Variants in ADGRG2 observed in about 807,000 individuals in gnomAD.
ADGRG2 encodes the protein G protein-coupled receptor 64.
In ADGRG2, 26 loss-of-function variants were observed where a neutral mutation model predicts 74.1. The ratio of observed to expected loss-of-function variants is 0.35; its 90% CI spans 0.26 to 0.49. ADGRG2 has a LOEUF of 0.49. Ranked by LOEUF, ADGRG2 falls within the 20% of genes least tolerant of loss-of-function variation. The pLI is 0.99. For missense variants in ADGRG2, 619 were observed against 763.1 expected (o/e 0.81, Z 2.22); for synonymous variants, 296 against 295.2 (o/e 1.00, Z -0.03).
rs1159266338 is a variant in ADGRG2 at position 18,995,534 on chromosome X, TA to T, written c.2717-487del. Among the ~76,000 whole-genome samples, 836 of 105,377 alleles carry T rather than the reference TA, an allele frequency of 7.9e-3. 2 individuals are homozygous for T. Among genetic ancestry groups the T allele is most frequent in the South Asian group, 0.019 (48 of 2,485 alleles). 91.5% of individuals were successfully genotyped at this position (105,377 alleles called of 115,157 possible). ...CAGTACTTCATTTTTCTCATTTTCT[TA>T]AAAAAAAAAAATGAGCTATTTGCTC... On this transcript the variant is annotated intron_variant, in intron 27 of 28. Transcript: ENST00000379869.
intron 13 of ADGRG2, among the ~76,000 whole-genome samples, chrX:19,022,176 A>G (rs1229782545): frequency 1.8e-5 from 2 of 109,323 alleles, no homozygotes; most frequent in Non-Finnish European, 3.8e-5. Flanking sequence ...GGGCAGGGAG[A>G]ATCACTTGAA....
intron 1 of ADGRG2, among the ~76,000 whole-genome samples, chrX:19,093,967 AG>A (rs1404490238): frequency 9.0e-6 from 1 of 111,435 alleles, no homozygotes; most frequent in Non-Finnish European, 1.9e-5. Context: ...GCCATGAAAA[AG>A]AATGAAATCA....
At chrX:19,073,601 G>C (rs1260574993) in intron 2 of ADGRG2, among the ~76,000 whole-genome samples, 1 of 111,466 alleles carries the variant, frequency 9.0e-6, no homozygotes, top group Non-Finnish European at 1.9e-5. Flanking sequence ...TCATATTTTT[G>C]AAATATATAT....
chrX:19,004,609 C>T, intron 23 of ADGRG2, 149 bp downstream of exon 23: 2 of 515,862 alleles, frequency 3.9e-6, no homozygotes, highest in Non-Finnish European at 6.4e-6. Context: ...AGCATATAAA[C>T]CAACAAGTCC....
chrX:19,120,186 TC>T (rs1473574706), intron 1 of ADGRG2, among the ~76,000 whole-genome samples: 1 of 111,521 alleles, frequency 9.0e-6, no homozygotes, highest in Non-Finnish European at 1.9e-5. Context: ...AAAAGAATAC[TC>T]CTGAAAAGCT....
chrX:19,010,449 C>G lies in ADGRG2; in HGVS notation c.1265+164G>C, dbSNP rs138728207. Among the ~76,000 whole-genome samples the G allele has an allele frequency of 6.3e-3, 689 of 109,675 alleles. 4 individuals carry two copies. The highest frequency in any genetic ancestry group is 0.022 in the African/African-American group (654 of 30,084). Reference sequence around the variant, plus strand: ...AGGTTGGTAGTGTAGATTTGGCAGTCCCATCTGTCTCCTCATTCTAAGCAG... The same window carrying G: ...AGGTTGGTAGTGTAGATTTGGCAGTGCCATCTGTCTCCTCATTCTAAGCAG... On this transcript the variant is annotated intron_variant, in intron 17 of 28. Coordinates refer to ENST00000379869, the MANE Select transcript of ADGRG2 (RefSeq NM_001079858.3).
At position 19,075,617 on chromosome X, in the gene ADGRG2, CAA is replaced by C. The variant is rs61690480; in HGVS notation, c.-1-6784_-1-6783del. Among the ~76,000 whole-genome samples, 111 of 39,437 alleles carry C rather than the reference CAA, an allele frequency of 2.8e-3. No individual in the cohort carries two copies. The Middle Eastern group carries it at 0.035, about 12-fold the overall frequency. 34.2% of individuals were successfully genotyped at this position (39,437 alleles called of 115,157 possible). ...TGGGCAACAGAGCAAGACTTCGCCT[CAA>C]AAAAAAAAAAAAAAAAAAAAGAAAG... On this transcript the variant is annotated intron_variant, in intron 2 of 28. Coordinates refer to ENST00000379869, the MANE Select transcript of ADGRG2 (RefSeq NM_001079858.3).
At chrX:19,026,662 A>G (rs1233126286) in intron 11 of ADGRG2, among the ~76,000 whole-genome samples, 1 of 110,172 alleles carries the variant, frequency 9.1e-6, no homozygotes, top group Admixed American at 9.7e-5. Flanking sequence ...CGCCCGGCTA[A>G]TTTTTGTATT....
chrX:19,071,657 G>A (rs2061655567), intron 2 of ADGRG2, among the ~76,000 whole-genome samples: 1 of 111,531 alleles, frequency 9.0e-6, no homozygotes, highest in South Asian at 3.9e-4. Flanking sequence ...GGGCACAAGG[G>A]AGGCTTCTGA....
At position 19,071,963 on chromosome X, in the gene ADGRG2, C is replaced by T. The variant is rs187492553; in HGVS notation, c.-1-3128G>A. Among the ~76,000 whole-genome samples, 692 of 109,891 alleles carry T rather than the reference C, an allele frequency of 6.3e-3. 5 individuals are homozygous for T. Among genetic ancestry groups the T allele is most frequent in the African/African-American group, 0.022 (669 of 30,086 alleles). ...TAATTCACAAGTATTTAAGTGTAGC[C>T]TGGGGAGAGAGTATCAGAGTGGTTT... On this transcript the variant is annotated intron_variant, in intron 2 of 28. Transcript: ENST00000379869.
intron 1 of ADGRG2, among the ~76,000 whole-genome samples, chrX:19,098,343 T>C (rs1367374784): frequency 8.9e-6 from 1 of 111,804 alleles, no homozygotes; most frequent in Non-Finnish European, 1.9e-5. Context: ...GCTAAAGTTA[T>C]ATGGTTAGAT....
At chrX:19,015,799 C>G (rs974519785) in intron 15 of ADGRG2, among the ~76,000 whole-genome samples, 16 of 112,417 alleles carry the variant, frequency 1.4e-4, no homozygotes, top group African/African-American at 5.2e-4. Context: ...TACCCAACAT[C>G]TCTCAGGCTC....
At chrX:19,108,417 C>A (rs977354765) in intron 1 of ADGRG2, among the ~76,000 whole-genome samples, 2 of 111,918 alleles carry the variant, frequency 1.8e-5, no homozygotes, top group Non-Finnish European at 3.8e-5. Flanking sequence ...TTAAAGCATT[C>A]TTTTAGGTAT....
chrX:19,109,864 A>G (rs1448303759), intron 1 of ADGRG2, among the ~76,000 whole-genome samples: 1 of 111,851 alleles, frequency 8.9e-6, no homozygotes, highest in Non-Finnish European at 1.9e-5. Context: ...CTGGAATTCT[A>G]TCACTGTTTT....
At chrX:18,996,466 G>C (rs2060019531) in intron 26 of ADGRG2, among the ~76,000 whole-genome samples, 1 of 110,675 alleles carries the variant, frequency 9.0e-6, no homozygotes, top group African/African-American at 3.3e-5. Context: ...GGAATTACAA[G>C]CCATCCACCC....
intron 16 of ADGRG2, 81 bp downstream of exon 16, chrX:19,013,605 C>T: frequency 1.2e-6 from 1 of 849,331 alleles, no homozygotes; most frequent in South Asian, 2.7e-5. Flanking sequence ...ATCAAGCGAA[C>T]ATCATACAAA....
chrX:19,027,109 C>G (rs2060721552), intron 11 of ADGRG2, 110 bp downstream of exon 11: 10 of 610,737 alleles, frequency 1.6e-5, no homozygotes, highest in Non-Finnish European at 2.8e-5. Flanking sequence ...GCTCTATAAC[C>G]TTTGGGCTGG....
intron 15 of ADGRG2, among the ~76,000 whole-genome samples, chrX:19,018,372 C>T (rs1601902522): frequency 1.8e-5 from 2 of 110,620 alleles, no homozygotes; most frequent in African/African-American, 6.6e-5. Flanking sequence ...GTTCTCCTAC[C>T]TGGGCCTTCC....
intron 8 of ADGRG2, chrX:19,032,812 C>G (rs1601942273): frequency 1.8e-5 from 2 of 112,099 alleles, no homozygotes; most frequent in South Asian, 7.4e-4. Flanking sequence ...AGGCAGTGAG[C>G]CCGATTTGGC....
Sources: gnomAD v4.1 joint callset for allele counts (sites outside exome capture counted in the v4.1 genomes callset) on GRCh38, gnomAD v4.1.1 for gene constraint, MANE v1.5 for transcripts, NCBI Gene and HGNC (gene_info 2026-07-23, HGNC 2026-07-21) for gene names.